The following FUS variants were observed in gnomAD, a reference collection of about 807,000 sequenced individuals.
FUS encodes the protein RNA-binding protein FUS.
A neutral mutation model predicts 82.7 loss-of-function variants in FUS; 5 were observed. The ratio of observed to expected loss-of-function variants is 0.06; its 90% CI spans 0.03 to 0.13. FUS has a LOEUF of 0.13. FUS is among the 10% of genes least tolerant of loss of function. FUS has a pLI of 1.00. For missense variants in FUS, 512 were observed against 707.8 expected (o/e 0.72, Z 3.14); for synonymous variants, 281 against 247.4 (o/e 1.14, Z -1.27).
chr16:31,188,536 A>G, intron 8 of FUS, 179 bp downstream of exon 8: 2 of 724,482 alleles, frequency 2.8e-6, no homozygotes, highest in South Asian at 3.3e-5. Flanking sequence ...TCTCAGAAAT[A>G]CCTGGCTTGT....
intron 9 of FUS, 34 bp from the exon 10 acceptor site, chr16:31,189,631 T>C: frequency 1.2e-6 from 2 of 1,614,032 alleles, no homozygotes; most frequent in South Asian, 1.1e-5. Context: ...CTGTAGCCTT[T>C]AAAATTGATG....
At chr16:31,192,242 C>A, downstream of FUS, 1 of 526,234 alleles carries the variant, frequency 1.9e-6, no homozygotes, top group South Asian at 1.5e-5. Context: ...TAGGCTTGAT[C>A]CCTTTTTGAT....
Position 31,180,182 on chromosome 16 carries a change from GTTGC to G in FUS, c.-24_-21del. ...CGGTACTCAGCGGTGTTGGAACTTCGTTGCTTGCTTGCCTGTGCGCGCGTGCGCG... is the reference window on the plus strand; with the variant it reads ...CGGTACTCAGCGGTGTTGGAACTTCGTTGCTTGCCTGTGCGCGCGTGCGCG... On this transcript the variant is annotated 5_prime_UTR_variant, in exon 1 of 15. Coordinates refer to ENST00000254108, the MANE Select transcript of FUS (RefSeq NM_004960.4). 1 of 1,608,822 alleles carries G rather than the reference GTTGC, an allele frequency of 6.2e-7. No individual in the cohort carries two copies. The highest frequency in any genetic ancestry group is 8.5e-7 in the Non-Finnish European group (1 of 1,177,600).
chr16:31,181,236 T>C (rs867103719), intron 1 of FUS, among the ~76,000 whole-genome samples: 1 of 152,174 alleles, frequency 6.6e-6, no homozygotes, highest in Non-Finnish European at 1.5e-5. Flanking sequence ...TTTTCTGAGA[T>C]AGGGACGGAG....
At chr16:31,193,022 C>G, downstream of FUS, 1 of 485,030 alleles carries the variant, frequency 2.1e-6, no homozygotes, top group South Asian at 1.5e-5. Context: ...AGTGCAATGG[C>G]ACGTTTTTCG....
downstream of FUS, chr16:31,194,767 T>G: frequency 2.1e-6 from 1 of 482,410 alleles, no homozygotes; most frequent in Non-Finnish European, 4.1e-6. Context: ...AATTTTGAAA[T>G]TTATGTTATT....
intron 1 of FUS, among the ~76,000 whole-genome samples, chr16:31,181,640 G>T (rs2079181149): frequency 6.6e-6 from 1 of 152,180 alleles, no homozygotes; most frequent in African/African-American, 2.4e-5. Context: ...TCTGGGCTGA[G>T]AGAGCAGAGG....
downstream of FUS, chr16:31,194,574 G>A (rs1180816784): frequency 2.0e-6 from 1 of 499,560 alleles, no homozygotes; most frequent in Non-Finnish European, 3.9e-6. Context: ...CCAGAGTGCT[G>A]GGATTAAGGT....
At chr16:31,188,253 T>C in intron 7 of FUS, 72 bp from the exon 8 acceptor site, 1 of 1,528,112 alleles carries the variant, frequency 6.5e-7, no homozygotes, top group Non-Finnish European at 8.9e-7. Flanking sequence ...GTCCGTTTTT[T>C]CCTGTTGACT....
Position 31,180,173 on chromosome 16 carries a change from TG to T in FUS, c.-40del. On this transcript the variant is annotated 5_prime_UTR_variant, in exon 1 of 15. Transcript: ENST00000254108. ...TCCAGGCGTCGGTACTCAGCGGTGTTGGAACTTCGTTGCTTGCTTGCCTGTG... is the reference window on the plus strand; with the variant it reads ...TCCAGGCGTCGGTACTCAGCGGTGTTGAACTTCGTTGCTTGCTTGCCTGTG... 3.1e-6 allele frequency: 5 copies of T among 1,606,324 alleles called. No homozygotes were observed. Among genetic ancestry groups the T allele is most frequent in the Non-Finnish European group, 4.3e-6 (5 of 1,176,402 alleles).
At chr16:31,182,727 G>GT (rs749852846) in intron 3 of FUS, 63 bp downstream of exon 3, 9 of 1,605,424 alleles carry the variant, frequency 5.6e-6, no homozygotes, top group South Asian at 1.1e-5. Flanking sequence ...TCTTTTTCTT[G>GT]TTTTTTGGAG....
Position 31,191,012 on chromosome 16 carries a change from A to G in FUS, c.1443A>G (p.Arg481=), listed in dbSNP as rs2079348390. Reference sequence around the variant, plus strand: ...GTGGTGGCAGAGGAGGCTATGATCGAGGCGGCTACCGGGGCCGCGGCGGGG... The same window carrying G: ...GTGGTGGCAGAGGAGGCTATGATCGGGGCGGCTACCGGGGCCGCGGCGGGG... ...DRRGGRGGYD[R]GGYRGRGGDR... Residue 481 remains arginine, a synonymous_variant, in exon 14 of 15, where the codon CGA becomes CGG. Coordinates refer to ENST00000254108, the MANE Select transcript of FUS (RefSeq NM_004960.4). 6.2e-7 allele frequency: 1 copy of G among 1,613,264 alleles called. No individual in the cohort carries two copies. Among genetic ancestry groups the G allele is most frequent in the African/African-American group, 1.3e-5 (1 of 74,666 alleles).
downstream of FUS, chr16:31,192,686 C>T (rs1157674756): frequency 2.7e-5 from 13 of 480,804 alleles, no homozygotes; most frequent in Non-Finnish European, 4.9e-5. Flanking sequence ...TCAGGAGAAT[C>T]CCAGCTTCTG....
downstream of FUS, chr16:31,192,387 A>G (rs2079373962): frequency 3.8e-6 from 2 of 523,564 alleles, no homozygotes; most frequent in East Asian, 4.1e-5. Context: ...GTACCTGCCA[A>G]CCAGTTATTT....
chr16:31,191,260 CAGGG>C lies in FUS; in HGVS notation c.1542-138_1542-135del, dbSNP rs2079353731. 1.0e-5 allele frequency: 15 copies of C among 1,468,330 alleles called. No homozygotes were observed. The Admixed American group carries it at 2.1e-4, about 21-fold the overall frequency. 91.0% of individuals were successfully genotyped at this position (1,468,330 alleles called of 1,614,324 possible). On this transcript the variant is annotated intron_variant, in intron 14 of 14. Transcript: ENST00000254108. ...AGTGGAGAGGGAAGGAAAATTAACT[CAGGG>C]GGAGTGAATCTGTAGACCCACTTGA...
chr16:31,191,793 T>C, downstream of FUS: 1 of 582,860 alleles, frequency 1.7e-6, no homozygotes, highest in Non-Finnish European at 3.2e-6. Flanking sequence ...GGTGTATAAA[T>C]GAGAAATGAA....
chr16:31,180,151 A>T lies in FUS; in HGVS notation c.-64A>T. 1.3e-6 allele frequency: 2 copies of T among 1,590,636 alleles called. No homozygotes were observed. The highest frequency in any genetic ancestry group is 1.7e-4 in the Middle Eastern group (1 of 6,032). ...AGGAGGCGGGGCTGCTCAGTCCTCC[A>T]GGCGTCGGTACTCAGCGGTGTTGGA... is the stretch of plus-strand genomic sequence containing the variant. On this transcript the variant is annotated 5_prime_UTR_variant, in exon 1 of 15. Coordinates refer to ENST00000254108, the MANE Select transcript of FUS (RefSeq NM_004960.4).
intron 10 of FUS, 23 bp from the exon 11 acceptor site, chr16:31,190,017 T>C: frequency 6.3e-7 from 1 of 1,597,436 alleles, no homozygotes; most frequent in Non-Finnish European, 8.5e-7. Flanking sequence ...TTAAAGTCTG[T>C]TGATGATTTT....
chr16:31,193,369 C>T, downstream of FUS: 1 of 525,548 alleles, frequency 1.9e-6, no homozygotes, highest in Non-Finnish European at 3.7e-6. Flanking sequence ...GAGGATGTGG[C>T]AGTTCTCTCC....
Sources: allele counts gnomAD v4.1 joint callset (sites outside exome capture counted in the v4.1 genomes callset), GRCh38; gene constraint gnomAD v4.1.1; transcripts MANE v1.5; gene names NCBI Gene and HGNC (gene_info 2026-07-23, HGNC 2026-07-21).